RALGAPA1: variants seen among roughly 807,000 people sequenced by gnomAD.
RALGAPA1 encodes Ral GTPase activating protein catalytic subunit alpha 1.
In RALGAPA1, 52 loss-of-function variants were observed where a neutral mutation model predicts 269.6. That is an observed-to-expected ratio of 0.19 (90% confidence interval 0.15 to 0.24). RALGAPA1 has a LOEUF of 0.24. Among genes scored for constraint, RALGAPA1 ranks in the 10% least tolerant of loss-of-function variants. The pLI, the probability that RALGAPA1 is intolerant of heterozygous loss-of-function variation, is 1.00. For synonymous variants in RALGAPA1, 817 were observed against 1,008.3 expected (o/e 0.81, Z 3.60); for missense variants, 1,917 against 3,013.9 (o/e 0.64, Z 8.52).
At chr14:35,744,269 G>C (rs1367968450) in intron 10 of RALGAPA1, among the ~76,000 whole-genome samples, 1 of 151,568 alleles carries the variant, frequency 6.6e-6, no homozygotes, top group East Asian at 1.9e-4. Context: ...TACTTGAGAG[G>C]CTGAGGCAGG....
At chr14:35,782,830 A>ATT (rs112773285) in intron 1 of RALGAPA1, among the ~76,000 whole-genome samples, 2 of 147,030 alleles carry the variant, frequency 1.4e-5, no homozygotes, top group African/African-American at 5.0e-5. Context: ...TCAAAACAGT[A>ATT]TTTTTTTTTT....
intron 3 of RALGAPA1, among the ~76,000 whole-genome samples, chr14:35,771,797 A>G (rs1173980404): frequency 2.0e-5 from 3 of 152,080 alleles, no homozygotes; most frequent in African/African-American, 7.2e-5. Context: ...CAGTCTCCCA[A>G]CAAGGTGGGA....
chr14:35,550,890 C>T (rs139948071), intron 39 of RALGAPA1, among the ~76,000 whole-genome samples: 13 of 152,178 alleles, frequency 8.5e-5, no homozygotes, highest in East Asian at 1.9e-4. Context: ...GAGGATAATA[C>T]GGACATTTTT....
chr14:35,655,659 T>C, intron 29 of RALGAPA1, 148 bp downstream of exon 29: 1 of 1,204,976 alleles, frequency 8.3e-7, no homozygotes. Flanking sequence ...GAACAATTTT[T>C]AAGGAATGAG....
Position 35,700,194 on chromosome 14 carries a change from A to G in RALGAPA1, c.2375T>C (p.Ile792Thr), listed in dbSNP as rs759863244. The change falls in exon 17 of 42, where the codon ATT becomes ACT. Residue 792 changes from isoleucine to threonine, a missense_variant. Ile to Thr is a moderately conservative substitution (Grantham distance 89). Coordinates refer to ENST00000680220, the MANE Select transcript of RALGAPA1 (RefSeq NM_001346249.2). ...CTCATCAGAAAGGGGAGTGAGAACA[A>G]TATCAGGCAAGAAGGGTTTGGAAGT... ...IHTSKPFLPD[I>T]VLTPLSDELS... The G allele has an allele frequency of 4.4e-5, 68 of 1,535,246 alleles. No individual in the cohort carries two copies. The highest frequency in any genetic ancestry group is 5.6e-5 in the Non-Finnish European group (64 of 1,146,688).
At chr14:35,715,521 T>C (rs889258560) in intron 16 of RALGAPA1, among the ~76,000 whole-genome samples, 1 of 152,182 alleles carries the variant, frequency 6.6e-6, no homozygotes, top group Admixed American at 6.5e-5. Flanking sequence ...TCTTAAGGAA[T>C]CTAAATTTTC....
chr14:35,742,322 T>A, intron 11 of RALGAPA1, 46 bp downstream of exon 11: 1 of 1,331,110 alleles, frequency 7.5e-7, no homozygotes, highest in Non-Finnish European at 1.0e-6. Context: ...GCAAAACTCT[T>A]AATCTATTAG....
chr14:35,571,709 C>T (rs1049386372), intron 38 of RALGAPA1, among the ~76,000 whole-genome samples: 3 of 151,840 alleles, frequency 2.0e-5, no homozygotes, highest in Admixed American at 6.6e-5. Flanking sequence ...ACAAAACCAC[C>T]ACCACCACCA....
At chr14:35,590,461 T>C (rs762964950) in intron 37 of RALGAPA1, among the ~76,000 whole-genome samples, 42 of 152,172 alleles carry the variant, frequency 2.8e-4, no homozygotes, top group Non-Finnish European at 5.0e-4. Context: ...GATTGGATCA[T>C]GGTGGCAGTT....
At chr14:35,754,182 T>C (rs1487612250) in intron 7 of RALGAPA1, among the ~76,000 whole-genome samples, 3 of 152,154 alleles carry the variant, frequency 2.0e-5, no homozygotes. Flanking sequence ...TTTGTGACAT[T>C]TGATTAGGCA....
At chr14:35,634,375 G>T (rs181813087) in intron 33 of RALGAPA1, among the ~76,000 whole-genome samples, 199 bp downstream of exon 33, 6 of 152,178 alleles carry the variant, frequency 3.9e-5, no homozygotes, top group Admixed American at 3.9e-4. Flanking sequence ...TTGCATAAAA[G>T]CAATGTCAAC....
intron 1 of RALGAPA1, among the ~76,000 whole-genome samples, chr14:35,806,968 G>C (rs1411920555): frequency 2.0e-5 from 3 of 152,112 alleles, no homozygotes; most frequent in Non-Finnish European, 4.4e-5. Context: ...AGCAAGCTAA[G>C]TCCTACAAAA....
chr14:35,753,693 G>C (rs1006826942), intron 7 of RALGAPA1, among the ~76,000 whole-genome samples: 3 of 152,068 alleles, frequency 2.0e-5, no homozygotes, highest in Non-Finnish European at 2.9e-5. Flanking sequence ...GGGATGAAAG[G>C]GTTGAGGGTA....
intron 6 of RALGAPA1, among the ~76,000 whole-genome samples, chr14:35,759,131 A>G (rs553244706): frequency 5.1e-4 from 77 of 152,310 alleles, no homozygotes; most frequent in African/African-American, 1.8e-3. Flanking sequence ...AAACTTCAAA[A>G]TAACACATAA....
chr14:35,541,064 T>TTTTTTTTTTTTTTTTTTTTTTAAG, intron 41 of RALGAPA1, among the ~76,000 whole-genome samples: 1 of 145,848 alleles, frequency 6.9e-6, no homozygotes, highest in Admixed American at 6.9e-5. Flanking sequence ...TTTTTTTTTT[T>TTTTTTTTTTTTTTTTTTTTTTAAG]GAGACGGAGT....
rs2065809372 is a variant in RALGAPA1 at position 35,685,158 on chromosome 14, G to T, written c.4078-13C>A. 2 of 1,548,038 alleles carry T rather than the reference G, an allele frequency of 1.3e-6. No homozygotes were observed. Among genetic ancestry groups the T allele is most frequent in the Non-Finnish European group, 1.7e-6 (2 of 1,145,600 alleles). ...TTCTTGTCATAGTCTAAACGTTCAA[G>T]AAATATTTTACCATTAAGAAAAAGC... On this transcript the variant is annotated splice_polypyrimidine_tract_variant and intron_variant, in intron 19 of 41. Transcript: ENST00000680220.
chr14:35,685,156 A>G lies in RALGAPA1; in HGVS notation c.4078-11T>C. 1 of 1,549,822 alleles carries G rather than the reference A, an allele frequency of 6.5e-7. No homozygotes were observed. Among genetic ancestry groups the G allele is most frequent in the Non-Finnish European group, 8.7e-7 (1 of 1,146,814 alleles). On this transcript the variant is annotated splice_polypyrimidine_tract_variant and intron_variant, in intron 19 of 41. Coordinates refer to ENST00000680220, the MANE Select transcript of RALGAPA1 (RefSeq NM_001346249.2). ...TCTTCTTGTCATAGTCTAAACGTTC[A>G]AGAAATATTTTACCATTAAGAAAAA...
chr14:35,681,991 C>T (rs12890516), intron 21 of RALGAPA1, among the ~76,000 whole-genome samples: 52,964 of 151,972 alleles, frequency 0.35, 12,751 homozygotes, highest in African/African-American at 0.67. Context: ...AATTCTGTTT[C>T]ATTACTGAGT....
intron 2 of RALGAPA1, 137 bp downstream of exon 2, chr14:35,775,498 T>C: frequency 9.8e-7 from 1 of 1,023,840 alleles, no homozygotes. Context: ...ACTAGACCTA[T>C]GATAGTAGTG....
Sources: gnomAD v4.1 joint callset for allele counts (sites outside exome capture counted in the v4.1 genomes callset) on GRCh38, gnomAD v4.1.1 for gene constraint, MANE v1.5 for transcripts, NCBI Gene and HGNC (gene_info 2026-07-23, HGNC 2026-07-21) for gene names.